KMT2D: variants seen among roughly 807,000 people sequenced by gnomAD.
KMT2D encodes histone-lysine N-methyltransferase 2D.
KMT2D carries 55 observed loss-of-function variants against 512.7 expected under a neutral mutation model. The observed-to-expected ratio is 0.11, with a 90% CI of 0.09 to 0.13. KMT2D has a LOEUF of 0.13. Ranked by LOEUF, KMT2D falls within the 10% of genes least tolerant of loss-of-function variation. KMT2D has a pLI of 1.00. For missense variants in KMT2D, 6,061 were observed against 7,127.9 expected (o/e 0.85, Z 5.39); for synonymous variants, 2,995 against 2,904.0 (o/e 1.03, Z -1.01).
rs1474445147 is a variant in KMT2D, at chr12:49,037,900, C to G, written c.9456G>C (p.Leu3152=). 6.2e-7 allele frequency: 1 copy of G among 1,602,806 alleles called. No homozygotes were observed. The highest frequency in any genetic ancestry group is 8.5e-7 in the Non-Finnish European group (1 of 1,174,978). Reference sequence around the variant, plus strand: ...TCATGCTCTGTCCTGGCTTTAGCCCCAGGCCAAGGGAATTGGCAGCAGGTG... The same window carrying G: ...TCATGCTCTGTCCTGGCTTTAGCCCGAGGCCAAGGGAATTGGCAGCAGGTG... ...EPAPAANSLG[L]GLKPGQSMMG... Residue 3152 remains leucine, a synonymous_variant, in exon 35 of 55, where the codon CTG becomes CTC. Transcript: ENST00000301067.
chr12:49,041,446 C>A lies in KMT2D; in HGVS notation c.6324G>T (p.Pro2108=), dbSNP rs373945547. Residue 2108 remains proline (P), a synonymous_variant, in exon 32 of 55, where the codon CCG becomes CCT. Transcript: ENST00000301067. The surrounding 1 kb of genome is among the most constrained non-coding windows in gnomAD (Gnocchi z 5.4). The part of the protein sequence containing the change: ...DRPALHLRIP[P]QPGALGSPPP... ...GCGGGCTGCCCAGTGCCCCTGGCTGCGGGGGAATGCGGAGATGTAGGGCCG... is the reference window on the plus strand; with the variant it reads ...GCGGGCTGCCCAGTGCCCCTGGCTGAGGGGGAATGCGGAGATGTAGGGCCG... 1.2e-6 allele frequency: 2 copies of A among 1,612,066 alleles called. No homozygotes were observed. Among genetic ancestry groups the A allele is most frequent in the Non-Finnish European group, 1.7e-6 (2 of 1,178,600 alleles).
rs398123760 is a variant in KMT2D, at chr12:49,039,975, C to T, written c.7795G>A (p.Gly2599Arg). The change falls in exon 32 of 55, where the codon GGG becomes AGG. Residue 2599 changes from glycine (G) to arginine (R), a missense_variant. Coordinates refer to ENST00000301067, the MANE Select transcript of KMT2D (RefSeq NM_003482.4). The surrounding 1 kb of genome is among the most constrained non-coding windows in gnomAD (Gnocchi z 5.0). ...AGCCCATAGCTCTCCCCTGTGGACC[C>T]GCTGCTGGGCCCCAGGGGGCTGCCC... ...PSGSPLGPSS[G>R]STGESYGLSP... 7 of 1,613,636 alleles carry T rather than the reference C, an allele frequency of 4.3e-6. No homozygotes were observed. The highest frequency in any genetic ancestry group is 5.9e-6 in the Non-Finnish European group (7 of 1,179,810).
rs769800698 is a variant in KMT2D, at chr12:49,054,585, G to A, written c.343C>T (p.Leu115=). ...CCCTCAGGGAAACCAATCTGTGATA[G>A]GTCCTCACTGGGCAGCACTGCCTCA... is the stretch of plus-strand genomic sequence containing the variant. The part of the protein sequence containing the change: ...PNEAVLPSED[L]SQIGFPEGLT... The change falls in exon 4 of 55, where the codon CTA becomes TTA. Residue 115 remains leucine, a synonymous_variant. Coordinates refer to ENST00000301067, the MANE Select transcript of KMT2D (RefSeq NM_003482.4). This position sits in a 1 kb window ranked among gnomAD's most constrained non-coding sequence, Gnocchi z 6.4. The A allele has an allele frequency of 1.1e-5, 17 of 1,613,040 alleles. No homozygotes were observed. The highest frequency in any genetic ancestry group is 6.7e-5 in the Admixed American group (4 of 59,886).
chr12:49,030,062 G>C (rs956605122), intron 43 of KMT2D, among the ~76,000 whole-genome samples: 1 of 152,078 alleles, frequency 6.6e-6, no homozygotes, highest in African/African-American at 2.4e-5. Flanking sequence ...GATGCTCCCT[G>C]CCACCCACCT....
intron 6 of KMT2D, 53 bp downstream of exon 6, chr12:49,053,924 CA>C: frequency 1.3e-6 from 2 of 1,574,586 alleles, no homozygotes; most frequent in East Asian, 4.5e-5. Flanking sequence ...TACAAAAATC[CA>C]AGGCACATTT....
In KMT2D at chr12:49,046,810, C is replaced by T. The variant is rs774433859; in HGVS notation, c.4237-20G>A. The T allele has an allele frequency of 6.9e-6, 11 of 1,604,102 alleles. No individual in the cohort carries two copies. In the South Asian group the frequency reaches 8.9e-5, roughly 13 times the overall value. ...GGTGATCTGGGGCAGAAGATGGGAACTTCTCAGGGTGTGAGGTGGAAAAGA... is the reference window on the plus strand; with the variant it reads ...GGTGATCTGGGGCAGAAGATGGGAATTTCTCAGGGTGTGAGGTGGAAAAGA... On this transcript the variant is annotated intron_variant, in intron 15 of 54. Coordinates refer to ENST00000301067, the MANE Select transcript of KMT2D (RefSeq NM_003482.4). The surrounding 1 kb of genome is among the most constrained non-coding windows in gnomAD (Gnocchi z 4.2).
chr12:49,044,815 G>T lies in KMT2D; in HGVS notation c.4892C>A (p.Pro1631His). ...PGEAGLEGSE[P>H]SDALGPDDKK... ...GTCATCAGGGCCAAGGGCATCTGAG[G>T]GCTCAGAACCCTCCAATCCTGCCTC... The change falls in exon 20 of 55, where the codon CCC becomes CAC. Residue 1631 changes from proline (P) to histidine (H), a missense_variant. Physicochemically the swap from Pro to His is moderately conservative, Grantham distance 77. Transcript: ENST00000301067. The surrounding 1 kb of genome is among the most constrained non-coding windows in gnomAD (Gnocchi z 6.4). The T allele has an allele frequency of 6.2e-7, 1 of 1,614,042 alleles. No homozygotes were observed.
At position 49,046,492 on chromosome 12, in the gene KMT2D, G is replaced by A. The variant is rs975496969; in HGVS notation, c.4419-68C>T. 1.0e-5 allele frequency: 16 copies of A among 1,589,594 alleles called. No homozygotes were observed. The highest frequency in any genetic ancestry group is 2.2e-5 in the East Asian group (1 of 44,578). ...CGAAGTACCCAGAAGTCCCCTCACC[G>A]GAAACCCAAGCCACCAGCCTGGCCT... On this transcript the variant is annotated intron_variant, in intron 16 of 54. Coordinates refer to ENST00000301067, the MANE Select transcript of KMT2D (RefSeq NM_003482.4). This position sits in a 1 kb window ranked among gnomAD's most constrained non-coding sequence, Gnocchi z 4.2.
chr12:49,043,966 C>T lies in KMT2D; in HGVS notation c.5221G>A (p.Val1741Met), dbSNP rs1355098421. 6.2e-7 allele frequency: 1 copy of T among 1,614,060 alleles called. No individual in the cohort carries two copies. The highest frequency in any genetic ancestry group is 1.7e-5 in the Admixed American group (1 of 60,034). Residue 1741 changes from valine to methionine, a missense_variant, in exon 23 of 55, where the codon GTG becomes ATG. Coordinates refer to ENST00000301067, the MANE Select transcript of KMT2D (RefSeq NM_003482.4). The stretch of plus-strand genomic sequence containing the variant: ...TCCCCTTCAGCTAAGCTCTGCTCCA[C>T]GGCGCCCTCTGCAGGCAGGTCAGCA... ...IPADLPAEGA[V>M]EQSLAEGDEK...
At position 49,045,660 on chromosome 12, in the gene KMT2D, A is replaced by G. The variant is rs879916599; in HGVS notation, c.4741+260T>C. 1.0e-3 allele frequency among the ~76,000 whole-genome samples: 154 copies of G among 151,834 alleles called. 4 individuals carry two copies. The Middle Eastern group carries it at 0.024, about 23-fold the overall frequency. On this transcript the variant is annotated intron_variant, in intron 19 of 54. Transcript: ENST00000301067. ...CTCCATCTCAAAAAAAAAAAAAAAA[A>G]AGAGATCTGAAGACGAAATCCTAGC...
In KMT2D at chr12:49,054,735, G is replaced by A. The variant is rs1189364625; in HGVS notation, c.193C>T (p.Arg65Cys). Residue 65 changes from arginine to cysteine, a missense_variant, in exon 4 of 55, where the codon CGT (arginine) becomes TGT (cysteine). Coordinates refer to ENST00000301067, the MANE Select transcript of KMT2D (RefSeq NM_003482.4). The surrounding 1 kb of genome is among the most constrained non-coding windows in gnomAD (Gnocchi z 6.4). ...TCCCCGCAGTTACAGAGAGCACAAC[G>A]CCGCACCGGACCCCCACTGTGGACA... ...PQDCSGGPVR[R>C]CALCNCGEPS... 1.9e-6 allele frequency: 3 copies of A among 1,613,646 alleles called. No individual in the cohort carries two copies. Among genetic ancestry groups the A allele is most frequent in the East Asian group, 2.2e-5 (1 of 44,878 alleles).
Position 49,033,103 on chromosome 12 carries a change from C to G in KMT2D, c.11602G>C (p.Gly3868Arg). 6.4e-7 allele frequency: 1 copy of G among 1,551,410 alleles called. No individual in the cohort carries two copies. Among genetic ancestry groups the G allele is most frequent in the South Asian group, 1.2e-5 (1 of 84,044 alleles). The change falls in exon 40 of 55, where the codon GGG becomes CGG. Residue 3868 changes from glycine to arginine, a missense_variant. By Grantham distance (125) the Gly-to-Arg change is moderately radical. Coordinates refer to ENST00000301067, the MANE Select transcript of KMT2D (RefSeq NM_003482.4). Reference protein sequence around the residue: ...QQQQQQHQQQGSMAGLSHLQQ... With the variant: ...QQQQQQHQQQRSMAGLSHLQQ... ...AGATGGGACAGCCCTGCCATGGACCCTTGCTGTTGGTGCTGTTGTTGCTGC... is the reference window on the plus strand; with the variant it reads ...AGATGGGACAGCCCTGCCATGGACCGTTGCTGTTGGTGCTGTTGTTGCTGC...
chr12:49,027,960 A>G, intron 47 of KMT2D, 30 bp from the exon 48 acceptor site: 3 of 1,613,416 alleles, frequency 1.9e-6, no homozygotes, highest in Non-Finnish European at 2.5e-6. Context: ...AGAGCCTCCC[A>G]CCAGAATCAC....
intron 51 of KMT2D, among the ~76,000 whole-genome samples, chr12:49,023,306 G>A (rs1053129604): frequency 6.6e-6 from 1 of 152,214 alleles, no homozygotes; most frequent in Non-Finnish European, 1.5e-5. Context: ...CCTACCTCCT[G>A]CACATACTGG....
Position 49,047,406 on chromosome 12 carries a change from CTTTTTTT to C in KMT2D, c.4236+552_4236+558del, listed in dbSNP as rs57252968. ...ACCGAATTAGGTCCCCCAGTTTTTC[CTTTTTTT>C]TTTTTTTTTTTTTTTTTTGAGACGG... is the stretch of plus-strand genomic sequence containing the variant. On this transcript the variant is annotated intron_variant, in intron 15 of 54. Transcript: ENST00000301067. Among the ~76,000 whole-genome samples, 75 of 93,904 alleles carry C rather than the reference CTTTTTTT, an allele frequency of 8.0e-4. 1 individual carries two copies. The highest frequency in any genetic ancestry group is 1.9e-3 in the South Asian group (5 of 2,672). 61.6% of individuals were successfully genotyped at this position (93,904 alleles called of 152,430 possible).
intron 15 of KMT2D, 74 bp downstream of exon 15, chr12:49,047,891 G>A (rs1056893887): frequency 8.5e-6 from 9 of 1,053,598 alleles, no homozygotes; most frequent in Admixed American, 1.8e-5. Context: ...AGGTGGTATG[G>A]CCAGGACAAG....
rs764782194 is a variant in KMT2D at position 49,052,066 on chromosome 12, T to C, written c.1617A>G (p.Pro539=). Reference sequence around the variant, plus strand: ...GTGGGGACAGGGGCGATGCTTCAGGTGGTGGGGATAGAGGCGTCTCAAGTG... The same window carrying C: ...GTGGGGACAGGGGCGATGCTTCAGGCGGTGGGGATAGAGGCGTCTCAAGTG... ...SPALETPLSP[P]PEASPLSPPF... Residue 539 remains proline (P), a synonymous_variant, in exon 11 of 55, where the codon CCA becomes CCG. Coordinates refer to ENST00000301067, the MANE Select transcript of KMT2D (RefSeq NM_003482.4). 5.6e-5 allele frequency: 90 copies of C among 1,610,954 alleles called. 3 individuals carry two copies. In the South Asian group the frequency reaches 8.1e-4, roughly 15 times the overall value.
rs1942956614 is a variant in KMT2D at position 49,032,230 on chromosome 12, T to G, written c.12475A>C (p.Met4159Leu). The G allele has an allele frequency of 6.2e-7, 1 of 1,613,634 alleles. No homozygotes were observed. Among genetic ancestry groups the G allele is most frequent in the African/African-American group, 1.3e-5 (1 of 74,914 alleles). The change falls in exon 40 of 55, where the codon ATG becomes CTG. Residue 4159 changes from methionine (M) to leucine (L), a missense_variant. This residue lies in a region of KMT2D where 1,600 missense variants were observed against 1,754.9 expected (regional missense o/e 0.91). Coordinates refer to ENST00000301067, the MANE Select transcript of KMT2D (RefSeq NM_003482.4). ...TQNLLGPQQP[M>L]LERPMQNNTG... Reference sequence around the variant, plus strand: ...TTATTTTGCATGGGCCGCTCTAGCATGGGCTGTTGGGGGCCCAGAAGGTTC... The same window carrying G: ...TTATTTTGCATGGGCCGCTCTAGCAGGGGCTGTTGGGGGCCCAGAAGGTTC...
rs761564278 is a variant in KMT2D, at chr12:49,053,958, C to A, written c.673+20G>T. The A allele has an allele frequency of 1.2e-5, 20 of 1,610,188 alleles. No individual in the cohort carries two copies. Among genetic ancestry groups the A allele is most frequent in the Non-Finnish European group, 1.6e-5 (19 of 1,177,530 alleles). On this transcript the variant is annotated intron_variant, in intron 6 of 54. Coordinates refer to ENST00000301067, the MANE Select transcript of KMT2D (RefSeq NM_003482.4). The stretch of plus-strand genomic sequence containing the variant: ...TTTGGTCTCTCATTTGCCCTATGAC[C>A]AAAGATCAGGACTTCTCACCCAGAT...
Sources: gnomAD v4.1 joint callset for allele counts (sites outside exome capture counted in the v4.1 genomes callset) on GRCh38, gnomAD v4.1.1 for gene constraint, gnomAD v4.1.1 regional missense constraint, Gnocchi (gnomAD v3.1) non-coding constraint, MANE v1.5 for transcripts, NCBI Gene and HGNC (gene_info 2026-07-23, HGNC 2026-07-21) for gene names.